COPZ2: variants seen among roughly 807,000 people sequenced by gnomAD.
COPZ2 encodes coat protein complex I subunit zeta 2, also known as coatomer subunit zeta-2.
Under a neutral mutation model 33.2 loss-of-function variants are expected in COPZ2, and 30 were observed. The ratio of observed to expected loss-of-function variants is 0.90; its 90% confidence interval spans 0.68 to 1.23. The LOEUF is 1.23. COPZ2 is among the 50% of genes most tolerant of loss of function. The pLI is 0.00. For missense variants in COPZ2, 263 were observed against 262.4 expected, an observed-to-expected ratio of 1.00 and a Z score of -0.02; for synonymous variants, 89 against 102.6, an observed-to-expected ratio of 0.87 and a Z score of 0.80.
Position 48,028,456 on chromosome 17 carries a change from A to T in COPZ2, c.585+16T>A. 6.2e-7 allele frequency: 1 copy of T among 1,607,540 alleles called. No individual in the cohort carries two copies. The highest frequency in any genetic ancestry group is 8.5e-7 in the Non-Finnish European group (1 of 1,177,094). On this transcript the variant is annotated intron_variant, in intron 8 of 8. Transcript: ENST00000621465. This position sits in a 1 kb window ranked among gnomAD's most constrained non-coding sequence, Gnocchi z 4.5. ...TCTAGACCATTTCTAGCCAAGGCAG[A>T]TGCAGGGGGGCCTACCTGGGCCACA...
In COPZ2 at chr17:48,028,498, C is replaced by A. The variant is rs375098021; in HGVS notation, c.559G>T (p.Gly187Cys). ...QKVNFRADDG[G>C]LTEQSVAQVL... Reference sequence around the variant, plus strand: ...TGGGCCACACTCTGTTCAGTCAAGCCGCCATCATCTGCCTGTAAGGAAGCA... The same window carrying A: ...TGGGCCACACTCTGTTCAGTCAAGCAGCCATCATCTGCCTGTAAGGAAGCA... Residue 187 changes from glycine (G) to cysteine (C), a missense_variant, in exon 8 of 9, where the codon GGC becomes TGC. Transcript: ENST00000621465. This position sits in a 1 kb window ranked among gnomAD's most constrained non-coding sequence, Gnocchi z 4.5. The A allele has an allele frequency of 8.7e-6, 14 of 1,608,686 alleles. No individual in the cohort carries two copies. The highest frequency in any genetic ancestry group is 1.1e-5 in the Non-Finnish European group (13 of 1,177,706).
chr17:48,034,985 C>T (rs1244564301), intron 2 of COPZ2, among the ~76,000 whole-genome samples: 1 of 146,708 alleles, frequency 6.8e-6, no homozygotes, highest in East Asian at 2.0e-4. Flanking sequence ...GACTCCGTCT[C>T]AAAAAAAAAA....
intron 6 of COPZ2, among the ~76,000 whole-genome samples, chr17:48,031,325 G>T (rs1363693540): frequency 6.6e-6 from 1 of 151,938 alleles, no homozygotes; most frequent in Non-Finnish European, 1.5e-5. Flanking sequence ...GGTGGTGGGT[G>T]CCTGTAGTCC....
rs937653908 is a variant in COPZ2 at position 48,028,091 on chromosome 17, G to T, written c.585+381C>A. Among the ~76,000 whole-genome samples the T allele has an allele frequency of 3.9e-5, 6 of 152,144 alleles. No individual in the cohort carries two copies. Among genetic ancestry groups the T allele is most frequent in the Admixed American group, 1.3e-4 (2 of 15,282 alleles). On this transcript the variant is annotated intron_variant, in intron 8 of 8. Coordinates refer to ENST00000621465, the MANE Select transcript of COPZ2 (RefSeq NM_016429.4). The surrounding 1 kb of genome is among the most constrained non-coding windows in gnomAD (Gnocchi z 4.5). Reference sequence around the variant, plus strand: ...GGGGTTAAGAGCCAAACTCCTATTTGGTACCCTTTCCAGGTTTCGGTAGAG... The same window carrying T: ...GGGGTTAAGAGCCAAACTCCTATTTTGTACCCTTTCCAGGTTTCGGTAGAG...
chr17:48,037,738 C>A lies in COPZ2; in HGVS notation c.40G>T (p.Glu14Ter). 9.4e-7 allele frequency: 1 copy of A among 1,059,734 alleles called. No individual in the cohort carries two copies. Among genetic ancestry groups the A allele is most frequent in the Non-Finnish European group, 1.1e-6 (1 of 880,438 alleles). The allele number at this position is 1,059,734 out of a possible 1,614,324, so 65.6% of individuals were successfully genotyped here. Residue 14 changes from glutamate (E) to a stop codon, truncating the protein, a stop_gained, in exon 1 of 9, where the codon GAG becomes TAG. Transcript: ENST00000621465. LOFTEE classifies it high-confidence loss of function. This position sits in a 1 kb window ranked among gnomAD's most constrained non-coding sequence, Gnocchi z 5.6. ...CCGGCCTGGGCCGCCGCGGCCCCCTCCCCCGGGTGCGGACGTGGCCAGGCC... is the reference window on the plus strand; with the variant it reads ...CCGGCCTGGGCCGCCGCGGCCCCCTACCCCGGGTGCGGACGTGGCCAGGCC... ...PEAWPRPHPG[E>*]GAAAAQAGGP...
chr17:48,031,144 T>C (rs1295602790), intron 6 of COPZ2, among the ~76,000 whole-genome samples: 2 of 152,108 alleles, frequency 1.3e-5, no homozygotes, highest in African/African-American at 2.4e-5. Context: ...GGATGTATGT[T>C]TTTAAGGAGC....
chr17:48,028,684 C>T lies in COPZ2; in HGVS notation c.547-174G>A, dbSNP rs1397736470. ...GTCCTGCAGCCTGTCATTTGGAAGCCAGGACCTCTGGGATTGTGCTATGGT... is the reference window on the plus strand; with the variant it reads ...GTCCTGCAGCCTGTCATTTGGAAGCTAGGACCTCTGGGATTGTGCTATGGT... On this transcript the variant is annotated intron_variant, in intron 7 of 8. Transcript: ENST00000621465. This position sits in a 1 kb window ranked among gnomAD's most constrained non-coding sequence, Gnocchi z 4.5. 1.5e-5 allele frequency: 9 copies of T among 619,084 alleles called. No individual in the cohort carries two copies. Among genetic ancestry groups the T allele is most frequent in the Non-Finnish European group, 2.5e-5 (9 of 353,760 alleles). 38.3% of individuals were successfully genotyped at this position (619,084 alleles called of 1,614,324 possible).
chr17:48,037,905 C>T (rs2037018736), upstream of COPZ2: 1 of 944,634 alleles, frequency 1.1e-6, no homozygotes, highest in African/African-American at 1.8e-5. This position sits in a 1 kb window ranked among gnomAD's most constrained non-coding sequence, Gnocchi z 5.6. Context: ...TCCTCTTGCT[C>T]GTTCTCCCCC....
upstream of COPZ2, among the ~76,000 whole-genome samples, chr17:48,038,479 C>T (rs368887368): frequency 4.6e-5 from 7 of 152,358 alleles, no homozygotes; most frequent in Admixed American, 3.9e-4. Context: ...TCAGGGTACA[C>T]TGGCAAGTGG....
intron 2 of COPZ2, 55 bp downstream of exon 2, chr17:48,036,796 C>T (rs1598265037): frequency 6.5e-7 from 1 of 1,531,470 alleles, no homozygotes; most frequent in East Asian, 2.3e-5. Context: ...TCTCCTGAGA[C>T]AGGAGTGTCA....
chr17:48,046,803 T>A, the COPZ2 span: 1 of 149,908 alleles, frequency 6.7e-6, no homozygotes, highest in Non-Finnish European at 1.5e-5. Context: ...CCTGCCTGCT[T>A]GAGTCCCCCT....
At chr17:48,044,029 T>C in the COPZ2 span, among the ~76,000 whole-genome samples, 2 of 152,184 alleles carry the variant, frequency 1.3e-5, no homozygotes, top group Non-Finnish European at 2.9e-5. Context: ...AAGAACATTT[T>C]AGGGTTGAGA....
chr17:48,029,843 T>C (rs2036866913), intron 6 of COPZ2, among the ~76,000 whole-genome samples: 1 of 151,824 alleles, frequency 6.6e-6, no homozygotes, highest in African/African-American at 2.4e-5. Flanking sequence ...GTGGCACACA[T>C]TGTAATTCCA....
upstream of COPZ2, among the ~76,000 whole-genome samples, chr17:48,041,428 G>T (rs751919869): frequency 6.6e-6 from 1 of 152,150 alleles, no homozygotes; most frequent in Non-Finnish European, 1.5e-5. Flanking sequence ...GGAATGTGAG[G>T]GGTAAGGGAC....
At chr17:48,040,276 T>C (rs1373042225), upstream of COPZ2, among the ~76,000 whole-genome samples, 1 of 152,010 alleles carries the variant, frequency 6.6e-6, no homozygotes, top group Non-Finnish European at 1.5e-5. Context: ...TCTTGCTGTG[T>C]TGTCCAGGCA....
At chr17:48,042,428 C>A (rs1470912057), upstream of COPZ2, among the ~76,000 whole-genome samples, 1 of 152,018 alleles carries the variant, frequency 6.6e-6, no homozygotes, top group African/African-American at 2.4e-5. Context: ...ACCACCGCGC[C>A]TGGCCTTGTT....
intron 6 of COPZ2, chr17:48,029,422 A>G: frequency 1.7e-6 from 1 of 590,124 alleles, no homozygotes; most frequent in Non-Finnish European, 3.0e-6. Context: ...AATCTTTGAA[A>G]CTGGATAAGA....
At chr17:48,031,851 C>A in intron 6 of COPZ2, 1 of 427,960 alleles carries the variant, frequency 2.3e-6, no homozygotes, top group Non-Finnish European at 4.3e-6. Context: ...TGTGCCAGTG[C>A]TTCCCCTGGG....
intron 3 of COPZ2, 63 bp downstream of exon 3, chr17:48,033,800 T>C: frequency 7.8e-7 from 1 of 1,285,492 alleles, no homozygotes; most frequent in South Asian, 1.3e-5. Flanking sequence ...GACAGATGTG[T>C]CCAGATGGAG....
Sources: allele counts gnomAD v4.1 joint callset (sites outside exome capture counted in the v4.1 genomes callset), GRCh38; gene constraint gnomAD v4.1.1; non-coding constraint Gnocchi (gnomAD v3.1); transcripts MANE v1.5; gene names NCBI Gene and HGNC (gene_info 2026-07-23, HGNC 2026-07-21).